WNT10A: variants seen among roughly 807,000 people sequenced by gnomAD.
WNT10A encodes the protein Wnt family member 10A.
In WNT10A, 37 loss-of-function variants were observed where a neutral mutation model predicts 36.1. The observed-to-expected ratio is 1.02, with a 90% CI of 0.79 to 1.35. The LOEUF is 1.35. Among genes scored for constraint, WNT10A ranks in the 40% most tolerant of loss-of-function variants. The pLI, the probability that WNT10A is intolerant of heterozygous loss-of-function variation, is 0.00. For synonymous variants in WNT10A, 255 were observed against 254.1 expected (o/e 1.00, Z -0.03); for missense variants, 613 against 601.4 (o/e 1.02, Z -0.20).
chr2:218,883,635 A>T (rs1293835320), intron 2 of WNT10A, among the ~76,000 whole-genome samples: 1 of 148,998 alleles, frequency 6.7e-6, no homozygotes, highest in Non-Finnish European at 1.5e-5. Context: ...GTGTGGCGGC[A>T]TGCAGCCGCG....
In WNT10A at chr2:218,886,704, G is replaced by T. The variant is rs573690646; in HGVS notation, c.377-3280G>T. On this transcript the variant is annotated intron_variant, in intron 2 of 3. Transcript: ENST00000258411. ...GCCCCACCCGCTCCCCCTCCAGCTG[G>T]CCAGATGGCACAGTGCCTGTGTCTG... Among the ~76,000 whole-genome samples, 283 of 148,308 alleles carry T rather than the reference G, an allele frequency of 1.9e-3. 4 individuals carry two copies. Among genetic ancestry groups the T allele is most frequent in the African/African-American group, 6.6e-3 (266 of 40,336 alleles).
intron 3 of WNT10A, among the ~76,000 whole-genome samples, chr2:218,892,303 CCACA>C (rs60385784): frequency 0.12 from 11,762 of 100,630 alleles, 1,277 homozygotes; most frequent in East Asian, 0.13. Flanking sequence ...ACCCACCCCA[CCACA>C]CACACACACA....
rs1293272089 is a variant in WNT10A, at chr2:218,893,892, G to C, written c.*621G>C. 6.6e-6 allele frequency: 1 copy of C among 152,308 alleles called. No individual in the cohort carries two copies. Among genetic ancestry groups the C allele is most frequent in the Admixed American group, 6.5e-5 (1 of 15,278 alleles). The allele number at this position is 152,308 out of a possible 1,614,324, so 9.4% of individuals were successfully genotyped here. A position where few individuals can be genotyped will look rare whatever the true frequency, so the allele number is the denominator to read the frequency against. ...CCTCTTGGAGGTTACATTCTTGCTG[G>C]GGGGAGGCATGGGCAATAAACAAGT... is the stretch of plus-strand genomic sequence containing the variant. On this transcript the variant is annotated 3_prime_UTR_variant, in exon 4 of 4. Coordinates refer to ENST00000258411, the MANE Select transcript of WNT10A (RefSeq NM_025216.3). This position sits in a 1 kb window ranked among gnomAD's most constrained non-coding sequence, Gnocchi z 6.3.
intron 2 of WNT10A, among the ~76,000 whole-genome samples, chr2:218,886,518 C>T (rs375399590): frequency 5.9e-5 from 9 of 152,334 alleles, no homozygotes; most frequent in East Asian, 5.8e-4. Context: ...CCTTCCCAGC[C>T]GTTGGCTGCT....
chr2:218,882,126 A>G (rs765963260), intron 1 of WNT10A, 35 bp from the exon 2 acceptor site: 1 of 1,604,068 alleles, frequency 6.2e-7, no homozygotes, highest in Non-Finnish European at 8.5e-7. Flanking sequence ...TGGTCCCCCC[A>G]AAACACGTAC....
rs75259168 is a variant in WNT10A, at chr2:218,885,569, C to G, written c.376+3146C>G. 7.3e-3 allele frequency among the ~76,000 whole-genome samples: 1,116 copies of G among 152,288 alleles called. 16 individuals are homozygous for G. The highest frequency in any genetic ancestry group is 0.025 in the African/African-American group (1,047 of 41,550). ...ACACAGCAAGCCCTGGGAACTCCCA[C>G]ACAGTTTAGGTACTGTCTTCCCTAA... On this transcript the variant is annotated intron_variant, in intron 2 of 3. Transcript: ENST00000258411.
intron 2 of WNT10A, among the ~76,000 whole-genome samples, chr2:218,886,801 G>T (rs1227135240): frequency 6.6e-6 from 1 of 152,240 alleles, no homozygotes; most frequent in Non-Finnish European, 1.5e-5. Flanking sequence ...AGTGGGCTGG[G>T]CTTCTATGAG....
the WNT10A span, among the ~76,000 whole-genome samples, chr2:218,875,383 G>T: frequency 6.6e-6 from 1 of 151,004 alleles, no homozygotes; most frequent in East Asian, 1.9e-4. Context: ...GTAGAGATGG[G>T]GTTTCACCGT....
intron 2 of WNT10A, among the ~76,000 whole-genome samples, chr2:218,886,146 T>TA (rs1242249921): frequency 1.3e-5 from 2 of 152,260 alleles, no homozygotes; most frequent in East Asian, 3.9e-4. Context: ...TCCCGCTGTG[T>TA]ACCCAGAGAG....
At chr2:218,889,869 A>G in intron 2 of WNT10A, 115 bp from the exon 3 acceptor site, 1 of 1,539,944 alleles carries the variant, frequency 6.5e-7, no homozygotes, top group Non-Finnish European at 8.8e-7. Flanking sequence ...TCCTTGTGCC[A>G]GACTCTCCTG....
chr2:218,891,469 G>T (rs750676833), intron 3 of WNT10A, among the ~76,000 whole-genome samples: 6 of 152,098 alleles, frequency 3.9e-5, no homozygotes, highest in Non-Finnish European at 5.9e-5. Context: ...CCTGCACAAA[G>T]CTGATTCAGC....
chr2:218,890,251 G>T lies in WNT10A; in HGVS notation c.644G>T (p.Ser215Ile). The T allele has an allele frequency of 6.2e-7, 1 of 1,613,452 alleles. No individual in the cohort carries two copies. ...LQDSWEWGGC[S>I]PDMGFGERFS... ...GACTCCTGGGAGTGGGGCGGCTGCA[G>T]CCCCGACATGGGCTTCGGGGAGCGC... The change falls in exon 3 of 4, where the codon AGC becomes ATC. Residue 215 changes from serine to isoleucine, a missense_variant. Transcript: ENST00000258411.
chr2:218,879,476 T>C (rs1391360317), upstream of WNT10A, among the ~76,000 whole-genome samples: 3 of 152,376 alleles, frequency 2.0e-5, no homozygotes, highest in East Asian at 5.8e-4. Flanking sequence ...AGAGCTGCCT[T>C]TCCCCTGCCC....
rs1944675395 is a variant in WNT10A, at chr2:218,893,052, C to A, written c.1035C>A (p.Phe345Leu). 6.3e-7 allele frequency: 1 copy of A among 1,596,434 alleles called. No homozygotes were observed. The highest frequency in any genetic ancestry group is 8.5e-7 in the Non-Finnish European group (1 of 1,179,100). The part of the protein sequence containing the change: ...DLVYFEKSPD[F>L]CEREPRLDSA... ...TCTACTTCGAAAAGTCTCCCGACTT[C>A]TGCGAGCGCGAGCCGCGCCTGGACT... is the stretch of plus-strand genomic sequence containing the variant. Residue 345 changes from phenylalanine to leucine, a missense_variant, in exon 4 of 4, where the codon TTC becomes TTA. Phe to Leu is a conservative substitution (Grantham distance 22). Transcript: ENST00000258411. The surrounding 1 kb of genome is among the most constrained non-coding windows in gnomAD (Gnocchi z 6.3).
chr2:218,886,957 G>A (rs1434110383), intron 2 of WNT10A, among the ~76,000 whole-genome samples: 1 of 152,092 alleles, frequency 6.6e-6, no homozygotes, highest in Admixed American at 6.5e-5. Flanking sequence ...GCCGCGGTGG[G>A]GTACGTTTCT....
At chr2:218,881,578 G>A (rs920287253) in intron 1 of WNT10A, among the ~76,000 whole-genome samples, 1 of 150,154 alleles carries the variant, frequency 6.7e-6, no homozygotes, top group African/African-American at 2.5e-5. Flanking sequence ...GTTTTCAATC[G>A]AGCCCAGGAT....
rs778752861 is a variant in WNT10A, at chr2:218,892,813, G to A, written c.796G>A (p.Gly266Ser). The A allele has an allele frequency of 1.9e-5, 31 of 1,596,464 alleles. No homozygotes were observed. Among genetic ancestry groups the A allele is most frequent in the Non-Finnish European group, 2.6e-5 (31 of 1,173,066 alleles). The change falls in exon 4 of 4, where the codon GGC becomes AGC. Residue 266 changes from glycine (G) to serine (S), a missense_variant. Gly to Ser is a moderately conservative substitution (Grantham distance 56). Coordinates refer to ENST00000258411, the MANE Select transcript of WNT10A (RefSeq NM_025216.3). ...CATGCGGCGGAAGTGCAAGTGCCAC[G>A]GCACGTCAGGCAGCTGCCAGCTCAA... ...ENMRRKCKCH[G>S]TSGSCQLKTC...
At chr2:218,887,189 G>C (rs1344410209) in intron 2 of WNT10A, among the ~76,000 whole-genome samples, 5 of 152,190 alleles carry the variant, frequency 3.3e-5, no homozygotes, top group Non-Finnish European at 7.3e-5. Context: ...AGCTGGGAGA[G>C]CTGGGTCTGG....
intron 1 of WNT10A, among the ~76,000 whole-genome samples, chr2:218,881,540 CTGTGTGTG>C (rs142861827): frequency 2.1e-5 from 3 of 141,540 alleles, no homozygotes; most frequent in Non-Finnish European, 3.0e-5. Context: ...GCTGCAAGAG[CTGTGTGTG>C]TGTGTGTGTG....
Sources: allele counts gnomAD v4.1 joint callset (sites outside exome capture counted in the v4.1 genomes callset), GRCh38; gene constraint gnomAD v4.1.1; non-coding constraint Gnocchi (gnomAD v3.1); transcripts MANE v1.5; gene names NCBI Gene and HGNC (gene_info 2026-07-23, HGNC 2026-07-21).